Variants in EDA observed in about 807,000 individuals in gnomAD.
The protein encoded by EDA is ectodysplasin-A.
Under a neutral mutation model 23.6 loss-of-function variants are expected in EDA, and 2 were observed. That is an observed-to-expected ratio of 0.08 (90% CI 0.03 to 0.27). EDA has a LOEUF of 0.27. EDA is among the 10% of genes least tolerant of loss of function. The probability of loss-of-function intolerance (pLI) is 1.00; values close to 1 mark genes in which losing one functional copy is unlikely to be tolerated. For synonymous variants in EDA, 131 were observed against 132.0 expected (o/e 0.99, Z 0.05); for missense variants, 229 against 324.2 (o/e 0.71, Z 2.26).
chrX:69,991,041 T>G (rs898973697), intron 2 of EDA, among the ~76,000 whole-genome samples: 5 of 111,501 alleles, frequency 4.5e-5, no homozygotes, highest in Non-Finnish European at 9.4e-5. Context: ...ATTTTTATTT[T>G]TTTAACTTCT....
chrX:69,739,236 A>G (rs905252103), intron 1 of EDA, among the ~76,000 whole-genome samples: 2 of 111,289 alleles, frequency 1.8e-5, no homozygotes, highest in African/African-American at 6.5e-5. Flanking sequence ...ACTACATAAT[A>G]TCCCTGTTTA....
intron 1 of EDA, among the ~76,000 whole-genome samples, chrX:69,881,246 G>A (rs922267988): frequency 1.2e-4 from 13 of 109,544 alleles, no homozygotes; most frequent in Non-Finnish European, 2.3e-4. Flanking sequence ...AGGTTGGGCA[G>A]GGGGCTTCCT....
chrX:69,888,303 G>A (rs1272039770), intron 1 of EDA, among the ~76,000 whole-genome samples: 1 of 110,221 alleles, frequency 9.1e-6, no homozygotes, highest in Non-Finnish European at 1.9e-5. Flanking sequence ...ATACACAAAA[G>A]ATAAACAGAA....
chrX:69,676,700 A>G (rs1408562334), intron 1 of EDA, among the ~76,000 whole-genome samples: 1 of 111,205 alleles, frequency 9.0e-6, no homozygotes, highest in East Asian at 2.8e-4. Context: ...TTATAAAGTG[A>G]GGCACTAATC....
intron 1 of EDA, among the ~76,000 whole-genome samples, chrX:69,631,636 C>CTT (rs774563547): frequency 1.1e-5 from 1 of 94,550 alleles, no homozygotes; most frequent in African/African-American, 3.7e-5. Flanking sequence ...TTTTTTTTTT[C>CTT]TTTTTTTTTT....
chrX:70,016,460 G>A (rs7057390), intron 2 of EDA, among the ~76,000 whole-genome samples: 54,208 of 109,089 alleles, frequency 0.5, 10,203 homozygotes, highest in African/African-American at 0.58. Flanking sequence ...CATAGCATAT[G>A]CTCTAAAATT....
chrX:69,730,219 G>T (rs2012969986), intron 1 of EDA, among the ~76,000 whole-genome samples: 1 of 110,960 alleles, frequency 9.0e-6, no homozygotes, highest in Non-Finnish European at 1.9e-5. Flanking sequence ...TTGAGGATGG[G>T]GATTTTGTTT....
At chrX:69,897,762 A>T (rs1022514671) in intron 1 of EDA, among the ~76,000 whole-genome samples, 2 of 111,906 alleles carry the variant, frequency 1.8e-5, no homozygotes, top group South Asian at 7.5e-4. Flanking sequence ...GAGACAAGAA[A>T]GGGGCAGGGA....
intron 1 of EDA, among the ~76,000 whole-genome samples, chrX:69,862,832 A>G (rs1048695374): frequency 1.6e-4 from 18 of 111,039 alleles, no homozygotes; most frequent in Non-Finnish European, 1.9e-5. Flanking sequence ...GGTACTTACT[A>G]GAAGGAGCCA....
chrX:69,786,227 C>G (rs2015166766), intron 1 of EDA, among the ~76,000 whole-genome samples: 1 of 110,993 alleles, frequency 9.0e-6, no homozygotes. Context: ...TTTGTTGATC[C>G]TTTCAAAAAC....
rs1369855554 is a variant in EDA at position 70,038,127 on chromosome X, C to T, written c.*2518C>T. On this transcript the variant is annotated 3_prime_UTR_variant, in exon 8 of 8. Transcript: ENST00000374552. ...TGGAGGGAAGACCTGAAAGAGAGGA[C>T]TGGTTCTGAGGCCAGAAAGGTGTGA... The T allele has an allele frequency of 9.0e-6, 1 of 111,359 alleles. No homozygotes were observed. The highest frequency in any genetic ancestry group is 1.9e-5 in the Non-Finnish European group (1 of 53,088). The allele number at this position is 111,359 out of a possible 1,213,427, so 9.2% of individuals were successfully genotyped here. A position where few individuals can be genotyped will look rare whatever the true frequency, so the allele number is the denominator to read the frequency against.
intron 1 of EDA, among the ~76,000 whole-genome samples, chrX:69,650,669 C>A (rs942451718): frequency 2.7e-5 from 3 of 111,637 alleles, no homozygotes; most frequent in South Asian, 7.5e-4. Flanking sequence ...ATGCTTGTAT[C>A]AAAATATCAC....
chrX:69,950,799 G>T (rs1439561780), intron 1 of EDA, among the ~76,000 whole-genome samples: 1 of 89,487 alleles, frequency 1.1e-5, no homozygotes, highest in Non-Finnish European at 2.2e-5. Context: ...TAGGGACATG[G>T]ATGAAATTGG....
intron 1 of EDA, among the ~76,000 whole-genome samples, chrX:69,719,594 A>G (rs898904600): frequency 9.0e-5 from 10 of 110,952 alleles, no homozygotes; most frequent in South Asian, 3.8e-4. Flanking sequence ...AAGTGAGAAC[A>G]TGCGGCATTT....
intron 1 of EDA, among the ~76,000 whole-genome samples, chrX:69,714,626 A>G (rs1345827801): frequency 3.6e-5 from 4 of 111,741 alleles, no homozygotes; most frequent in Non-Finnish European, 7.5e-5. Context: ...GGGATATCCA[A>G]TTGCTCCAGC....
chrX:69,689,202 GTTC>G (rs1009599516), intron 1 of EDA, among the ~76,000 whole-genome samples: 8 of 109,167 alleles, frequency 7.3e-5, no homozygotes, highest in African/African-American at 2.0e-4. Context: ...TCGTATAACT[GTTC>G]TTCTTTTTTT....
intron 2 of EDA, among the ~76,000 whole-genome samples, chrX:69,965,784 C>T (rs777628818): frequency 4.4e-5 from 5 of 112,420 alleles, no homozygotes; most frequent in East Asian, 2.8e-4. Flanking sequence ...CGGTGGCTTA[C>T]GCCTGTAATC....
At chrX:69,995,717 G>C (rs768165291) in intron 2 of EDA, among the ~76,000 whole-genome samples, 10 of 112,529 alleles carry the variant, frequency 8.9e-5, no homozygotes, top group Admixed American at 3.7e-4. Flanking sequence ...AAAATAATGT[G>C]TTTAACTTTT....
intron 1 of EDA, among the ~76,000 whole-genome samples, chrX:69,781,487 A>G (rs2014942066): frequency 8.9e-6 from 1 of 112,014 alleles, no homozygotes; most frequent in Non-Finnish European, 1.9e-5. Flanking sequence ...TTGCAGTACA[A>G]CTAAAGAGTT....
Sources: gnomAD v4.1 joint callset for allele counts (sites outside exome capture counted in the v4.1 genomes callset) on GRCh38, gnomAD v4.1.1 for gene constraint, MANE v1.5 for transcripts, NCBI Gene and HGNC (gene_info 2026-07-23, HGNC 2026-07-21) for gene names.